The following KCNH1 variants were observed in gnomAD, a reference collection of about 807,000 sequenced individuals.
The protein encoded by KCNH1 is potassium voltage-gated channel subfamily H member 1.
In KCNH1, 27 loss-of-function variants were observed where a neutral mutation model predicts 69.2. That is an observed-to-expected ratio of 0.39 (90% CI 0.29 to 0.54). The LOEUF (loss-of-function observed/expected upper bound fraction) is 0.54. Ranked by LOEUF, KCNH1 falls within the 20% of genes least tolerant of loss-of-function variation. KCNH1 has a pLI of 0.68. For missense variants in KCNH1, 798 were observed against 1,261.6 expected (o/e 0.63, Z 5.57); for synonymous variants, 456 against 487.7 (o/e 0.93, Z 0.86).
intron 6 of KCNH1, among the ~76,000 whole-genome samples, chr1:210,920,700 T>C (rs577359466): frequency 1.3e-5 from 2 of 152,188 alleles, no homozygotes; most frequent in Admixed American, 6.5e-5. Flanking sequence ...ATACAGTTTT[T>C]AAAAAGCTAA....
At chr1:210,968,447 A>G (rs1688450075) in intron 6 of KCNH1, among the ~76,000 whole-genome samples, 1 of 138,526 alleles carries the variant, frequency 7.2e-6, no homozygotes, top group Admixed American at 7.5e-5. Context: ...CGCCACACTG[A>G]CTTCCACAAT....
At chr1:210,810,978 T>C (rs1001219104) in intron 7 of KCNH1, among the ~76,000 whole-genome samples, 1 of 152,194 alleles carries the variant, frequency 6.6e-6, no homozygotes, top group Non-Finnish European at 1.5e-5. Flanking sequence ...GAAGAATCCA[T>C]GATGCTACCA....
intron 10 of KCNH1, among the ~76,000 whole-genome samples, chr1:210,770,895 C>T (rs988728653): frequency 3.2e-4 from 49 of 152,276 alleles, no homozygotes; most frequent in Non-Finnish European, 4.4e-4. Flanking sequence ...CAGAAGAGCA[C>T]GTGCCAGGTT....
At chr1:211,008,452 C>G (rs138536408) in intron 6 of KCNH1, among the ~76,000 whole-genome samples, 1 of 152,286 alleles carries the variant, frequency 6.6e-6, no homozygotes, top group East Asian at 1.9e-4. Flanking sequence ...TCTTATGCAG[C>G]ATTATACAAC....
At chr1:210,950,686 C>A (rs1688048689) in intron 6 of KCNH1, among the ~76,000 whole-genome samples, 1 of 152,156 alleles carries the variant, frequency 6.6e-6, no homozygotes, top group Non-Finnish European at 1.5e-5. Flanking sequence ...AGGCCCTCAA[C>A]AAGGGCTCCA....
intron 7 of KCNH1, among the ~76,000 whole-genome samples, chr1:210,823,677 T>A (rs1012393189): frequency 1.3e-5 from 2 of 152,160 alleles, no homozygotes; most frequent in East Asian, 3.8e-4. Flanking sequence ...CTCACAACAA[T>A]CCTATATAGA....
At chr1:211,091,896 C>CA (rs1175531198) in intron 3 of KCNH1, among the ~76,000 whole-genome samples, 4 of 152,144 alleles carry the variant, frequency 2.6e-5, no homozygotes, top group Non-Finnish European at 5.9e-5. Flanking sequence ...CAGCAAGAAG[C>CA]ACCAATTTAT....
chr1:211,008,494 T>C (rs1689327339), intron 6 of KCNH1, among the ~76,000 whole-genome samples: 3 of 151,996 alleles, frequency 2.0e-5, no homozygotes, highest in South Asian at 2.1e-4. Context: ...CCAGTAAAAG[T>C]GAGCAAGCTA....
intron 7 of KCNH1, among the ~76,000 whole-genome samples, chr1:210,887,651 T>C (rs1312022961): frequency 1.4e-5 from 2 of 145,206 alleles, no homozygotes; most frequent in African/African-American, 5.1e-5. Flanking sequence ...AGGATACTCA[T>C]CTCATGTGCA....
intron 5 of KCNH1, among the ~76,000 whole-genome samples, chr1:211,024,911 G>A (rs1192434311): frequency 6.6e-6 from 1 of 152,098 alleles, no homozygotes; most frequent in Non-Finnish European, 1.5e-5. Context: ...AAGTGAATGA[G>A]TCAACTCTAA....
intron 5 of KCNH1, among the ~76,000 whole-genome samples, chr1:211,052,789 G>A (rs548674539): frequency 1.1e-3 from 173 of 152,354 alleles, no homozygotes; most frequent in African/African-American, 4.0e-3. Flanking sequence ...CTCATCACCA[G>A]AAAATGTGTA....
intron 10 of KCNH1, among the ~76,000 whole-genome samples, chr1:210,766,372 A>G (rs1311616658): frequency 6.6e-6 from 1 of 152,172 alleles, no homozygotes; most frequent in Non-Finnish European, 1.5e-5. Flanking sequence ...CTAAAAATAC[A>G]AAATTAGCTG....
chr1:211,121,155 T>A (rs1691675804), intron 1 of KCNH1, among the ~76,000 whole-genome samples: 1 of 152,206 alleles, frequency 6.6e-6, no homozygotes, highest in Admixed American at 6.5e-5. Flanking sequence ...CCATTGACAT[T>A]ATTCACAGAA....
intron 4 of KCNH1, among the ~76,000 whole-genome samples, chr1:211,089,199 G>A (rs1275298974): frequency 6.6e-6 from 1 of 152,118 alleles, no homozygotes; most frequent in Non-Finnish European, 1.5e-5. Context: ...GAGTTTATTA[G>A]GTTAAAAAAG....
chr1:211,006,491 T>C (rs1689287767), intron 6 of KCNH1, among the ~76,000 whole-genome samples: 1 of 152,056 alleles, frequency 6.6e-6, no homozygotes, highest in South Asian at 2.1e-4. Context: ...AGATCAGAAA[T>C]AGGCAAAATA....
At chr1:210,761,863 T>C (rs544434727) in intron 10 of KCNH1, among the ~76,000 whole-genome samples, 15 of 151,958 alleles carry the variant, frequency 9.9e-5, no homozygotes, top group Admixed American at 9.8e-4. Flanking sequence ...ACAAAGAAAT[T>C]CTGGACTTAA....
At chr1:211,034,143 T>C (rs1014361532) in intron 5 of KCNH1, among the ~76,000 whole-genome samples, 7 of 152,248 alleles carry the variant, frequency 4.6e-5, no homozygotes, top group African/African-American at 1.4e-4. Context: ...TGAATGTTTA[T>C]AGCAGCTTTA....
chr1:210,949,514 G>T (rs1008490128), intron 6 of KCNH1, among the ~76,000 whole-genome samples: 6 of 152,134 alleles, frequency 3.9e-5, no homozygotes, highest in African/African-American at 1.4e-4. Context: ...CAATTGTTAC[G>T]TCCCAGTCTG....
intron 9 of KCNH1, 115 bp downstream of exon 9, chr1:210,797,393 C>A (rs1684336730): frequency 8.1e-6 from 9 of 1,111,152 alleles, no homozygotes; most frequent in Non-Finnish European, 1.3e-6. Flanking sequence ...TGAATATTAG[C>A]AATTGGCCCT....
Sources: allele counts gnomAD v4.1 joint callset (sites outside exome capture counted in the v4.1 genomes callset), GRCh38; gene constraint gnomAD v4.1.1; transcripts MANE v1.5; gene names NCBI Gene and HGNC (gene_info 2026-07-23, HGNC 2026-07-21).